RBFOX1: variants seen among roughly 807,000 people sequenced by gnomAD.
The protein encoded by RBFOX1 is RNA binding protein fox-1 homolog 1.
Under a neutral mutation model 57.7 loss-of-function variants are expected in RBFOX1, and 8 were observed. The observed-to-expected ratio is 0.14, with a 90% CI of 0.08 to 0.25. The LOEUF (loss-of-function observed/expected upper bound fraction) is 0.25, where lower values mean the gene tolerates loss of function less well. Ranked by LOEUF, RBFOX1 falls within the 10% of genes least tolerant of loss-of-function variation. RBFOX1 has a pLI of 1.00. For missense variants in RBFOX1, 611 were observed against 548.5 expected (o/e 1.11, Z -1.14); for synonymous variants, 326 against 222.4 (o/e 1.47, Z -4.15).
intron 1 of RBFOX1, among the ~76,000 whole-genome samples, chr16:5,440,799 G>C (rs2068060948): frequency 1.3e-5 from 2 of 152,146 alleles, no homozygotes; most frequent in Non-Finnish European, 2.9e-5. Flanking sequence ...CACAGAATGA[G>C]ATTCTCATGA....
At chr16:5,816,283 C>T (rs893678217) in intron 3 of RBFOX1, among the ~76,000 whole-genome samples, 4 of 152,170 alleles carry the variant, frequency 2.6e-5, no homozygotes, top group Non-Finnish European at 4.4e-5. Context: ...CTCTTCCTCC[C>T]TCATCTAGGA....
At chr16:6,512,956 T>C (rs895893063) in intron 2 of RBFOX1, among the ~76,000 whole-genome samples, 19 of 152,198 alleles carry the variant, frequency 1.2e-4, no homozygotes, top group East Asian at 5.8e-4. Flanking sequence ...AAGTTTTGTA[T>C]TGGGATGGAA....
chr16:6,569,224 C>G (rs2153945809), intron 2 of RBFOX1, among the ~76,000 whole-genome samples: 1 of 152,274 alleles, frequency 6.6e-6, no homozygotes, highest in Non-Finnish European at 1.5e-5. Context: ...TATTAGTTAT[C>G]TAATACTGTG....
chr16:7,001,802 A>G (rs1020558828), intron 3 of RBFOX1, among the ~76,000 whole-genome samples: 2 of 152,114 alleles, frequency 1.3e-5, no homozygotes, highest in African/African-American at 2.4e-5. Flanking sequence ...AGGCAGCTCA[A>G]TTTGGGAGAT....
intron 3 of RBFOX1, among the ~76,000 whole-genome samples, chr16:6,755,457 T>C (rs894283943): frequency 1.3e-5 from 2 of 152,244 alleles, no homozygotes; most frequent in Admixed American, 1.3e-4. Flanking sequence ...TGGCCAGTGA[T>C]GGTGAGCATT....
chr16:5,911,592 G>A (rs544761479), intron 4 of RBFOX1, among the ~76,000 whole-genome samples: 1 of 152,180 alleles, frequency 6.6e-6, no homozygotes, highest in Non-Finnish European at 1.5e-5. Context: ...CTGACGGGGG[G>A]TGCGGAGGCA....
intron 3 of RBFOX1, among the ~76,000 whole-genome samples, chr16:6,804,258 T>G (rs1300707569): frequency 2.0e-5 from 3 of 151,832 alleles, no homozygotes; most frequent in Non-Finnish European, 4.4e-5. Flanking sequence ...TCCGCCCACC[T>G]CAGCCTCCCA....
At chr16:7,673,981 A>T (rs2072463294) in intron 13 of RBFOX1, among the ~76,000 whole-genome samples, 1 of 152,214 alleles carries the variant, frequency 6.6e-6, no homozygotes, top group African/African-American at 2.4e-5. Context: ...ACCTTGAAGA[A>T]GTTCTGGATA....
chr16:7,227,707 T>C (rs1228880251), intron 4 of RBFOX1, among the ~76,000 whole-genome samples: 1 of 152,134 alleles, frequency 6.6e-6, no homozygotes, highest in Non-Finnish European at 1.5e-5. Context: ...ATTTGGCCCG[T>C]CGCCCTGCCT....
intron 4 of RBFOX1, among the ~76,000 whole-genome samples, chr16:7,120,043 A>G (rs112962827): frequency 2.4e-4 from 20 of 83,964 alleles, no homozygotes; most frequent in Non-Finnish European, 5.2e-4. Context: ...AGTAACATAA[A>G]ATAAACTGGA....
intron 5 of RBFOX1, among the ~76,000 whole-genome samples, chr16:7,561,370 G>A (rs1247066636): frequency 6.6e-6 from 1 of 152,212 alleles, no homozygotes; most frequent in African/African-American, 2.4e-5. Context: ...GAAGAGACAA[G>A]TAGAAAGGAG....
At chr16:6,031,646 T>A (rs1176203615) in intron 1 of RBFOX1, among the ~76,000 whole-genome samples, 1 of 152,182 alleles carries the variant, frequency 6.6e-6, no homozygotes, top group African/African-American at 2.4e-5. Context: ...TGTATGTACA[T>A]GCATGTATGT....
intron 3 of RBFOX1, among the ~76,000 whole-genome samples, chr16:6,685,661 C>G (rs540542349): frequency 3.0e-4 from 45 of 152,104 alleles, no homozygotes; most frequent in Non-Finnish European, 5.6e-4. Context: ...GTCATCCATA[C>G]TTATTGTAGA....
At chr16:7,382,317 C>T (rs748832011) in intron 4 of RBFOX1, among the ~76,000 whole-genome samples, 1 of 152,160 alleles carries the variant, frequency 6.6e-6, no homozygotes, top group Non-Finnish European at 1.5e-5. Flanking sequence ...TTAAAGCTAT[C>T]CACAGCCCTC....
intron 1 of RBFOX1, among the ~76,000 whole-genome samples, chr16:5,284,220 C>G (rs1482847255): frequency 6.6e-6 from 1 of 152,156 alleles, no homozygotes; most frequent in African/African-American, 2.4e-5. Flanking sequence ...GTCCATTAAA[C>G]CTCTTTCTTT....
At chr16:7,260,087 A>G (rs999489033) in intron 4 of RBFOX1, among the ~76,000 whole-genome samples, 35 of 152,326 alleles carry the variant, frequency 2.3e-4, no homozygotes, top group Non-Finnish European at 4.4e-4. Context: ...CTGTAAATAT[A>G]TAACCATATA....
intron 3 of RBFOX1, among the ~76,000 whole-genome samples, chr16:5,746,201 T>C (rs1439985646): frequency 1.3e-5 from 2 of 152,336 alleles, no homozygotes; most frequent in East Asian, 3.9e-4. Flanking sequence ...AGGGAATCCT[T>C]CCCCCATTTC....
At chr16:7,530,138 G>A (rs1438705588) in intron 5 of RBFOX1, among the ~76,000 whole-genome samples, 4 of 152,104 alleles carry the variant, frequency 2.6e-5, no homozygotes, top group African/African-American at 7.2e-5. Flanking sequence ...TAGAGCTTGA[G>A]ATGACTATCT....
chr16:5,723,677 G>A (rs754041230), intron 3 of RBFOX1, among the ~76,000 whole-genome samples: 3 of 152,212 alleles, frequency 2.0e-5, no homozygotes, highest in East Asian at 3.9e-4. Context: ...CAGCCCACAG[G>A]AATCTGTGGA....
Sources: gnomAD v4.1 joint callset for allele counts (sites outside exome capture counted in the v4.1 genomes callset) on GRCh38, gnomAD v4.1.1 for gene constraint, MANE v1.5 for transcripts, NCBI Gene and HGNC (gene_info 2026-07-23, HGNC 2026-07-21) for gene names.